P2RX4: variants seen among roughly 807,000 people sequenced by gnomAD.
P2RX4 encodes the protein P2X purinoceptor 4.
A neutral mutation model predicts 48.0 loss-of-function variants in P2RX4; 37 were observed. The observed-to-expected ratio is 0.77, with a 90% CI of 0.59 to 1.01. P2RX4 has a LOEUF of 1.01. Ranked by LOEUF, P2RX4 falls within the 50% of genes least tolerant of loss-of-function variation. The probability of loss-of-function intolerance (pLI) is 0.00; values close to 1 mark genes in which losing one functional copy is unlikely to be tolerated. For missense variants in P2RX4, 501 were observed against 521.4 expected (o/e 0.96, Z 0.38); for synonymous variants, 200 against 199.7 (o/e 1.00, Z -0.01).
At position 121,233,662 on chromosome 12, in the gene P2RX4, C is replaced by G; in HGVS notation, c.*113C>G. Reference sequence around the variant, plus strand: ...AAATTTCTGGAATCTGATTGAGTCTCCACTCCACAAGCACTCAGGGTTCCC... The same window carrying G: ...AAATTTCTGGAATCTGATTGAGTCTGCACTCCACAAGCACTCAGGGTTCCC... On this transcript the variant is annotated 3_prime_UTR_variant, in exon 12 of 12. Coordinates refer to ENST00000337233, the MANE Select transcript of P2RX4 (RefSeq NM_002560.3). The G allele has an allele frequency of 6.5e-7, 1 of 1,548,368 alleles. No individual in the cohort carries two copies. The highest frequency in any genetic ancestry group is 1.4e-5 in the African/African-American group (1 of 73,192).
intron 5 of P2RX4, among the ~76,000 whole-genome samples, chr12:121,225,205 T>C (rs946168834): frequency 7.9e-5 from 12 of 151,428 alleles, no homozygotes; most frequent in Middle Eastern, 3.5e-3. Context: ...CCTGAGTAGC[T>C]GGGATTATAG....
chr12:121,222,578 A>G (rs1886709084), intron 4 of P2RX4: 1 of 466,648 alleles, frequency 2.1e-6, no homozygotes, highest in African/African-American at 2.0e-5. Flanking sequence ...ACGCCCAGCT[A>G]ATTTTTGTAC....
intron 1 of P2RX4, among the ~76,000 whole-genome samples, chr12:121,211,541 C>G (rs1260006652): frequency 6.6e-6 from 1 of 152,092 alleles, no homozygotes; most frequent in African/African-American, 2.4e-5. Flanking sequence ...AATTACCTTG[C>G]CACCTGGGGC....
In P2RX4 at chr12:121,233,523, G is replaced by A. The variant is rs1174960267; in HGVS notation, c.1141G>A (p.Gly381Ser). ...GATCTGCTTGTGTCCTTCTTTGCAG[G>A]GTCTTGCTAGTGAGCTGGACCAGTG... The part of the protein sequence containing the change: ...KYKYVEDYEQ[G>S]LASELDQ The change falls in exon 12 of 12, where the codon GGT becomes AGT. Residue 381 changes from glycine to serine, a missense_variant and splice_region_variant. Coordinates refer to ENST00000337233, the MANE Select transcript of P2RX4 (RefSeq NM_002560.3). The A allele has an allele frequency of 1.2e-6, 2 of 1,608,066 alleles. No individual in the cohort carries two copies. The highest frequency in any genetic ancestry group is 3.4e-5 in the Admixed American group (2 of 59,222).
At position 121,223,063 on chromosome 12, in the gene P2RX4, A is replaced by T; in HGVS notation, c.524+20A>T. On this transcript the variant is annotated intron_variant, in intron 5 of 11. Transcript: ENST00000337233. ...GCCACAGTGAGTCCAGCCCTAGGGAAGGAAGTGCCTTTTTGTTTTGTTTTG... is the reference window on the plus strand; with the variant it reads ...GCCACAGTGAGTCCAGCCCTAGGGATGGAAGTGCCTTTTTGTTTTGTTTTG... The T allele has an allele frequency of 6.7e-7, 1 of 1,494,862 alleles. No individual in the cohort carries two copies. The highest frequency in any genetic ancestry group is 9.3e-7 in the Non-Finnish European group (1 of 1,072,072). 92.6% of individuals were successfully genotyped at this position (1,494,862 alleles called of 1,614,324 possible). A position where few individuals can be genotyped will look rare whatever the true frequency, so the allele number is the denominator to read the frequency against.
chr12:121,226,054 G>C (rs769453205), intron 5 of P2RX4, among the ~76,000 whole-genome samples: 1 of 151,306 alleles, frequency 6.6e-6, no homozygotes, highest in African/African-American at 2.4e-5. Context: ...CTTATTTTTT[G>C]TAGAGACAGG....
Position 121,229,005 on chromosome 12 carries a change from G to T in P2RX4, c.790G>T (p.Asp264Tyr). 6.2e-7 allele frequency: 1 copy of T among 1,614,054 alleles called. No homozygotes were observed. The highest frequency in any genetic ancestry group is 8.5e-7 in the Non-Finnish European group (1 of 1,180,008). Residue 264 changes from aspartate to tyrosine, a missense_variant, in exon 8 of 12, where the codon GAC becomes TAC. By Grantham distance (160) the Asp-to-Tyr change is radical (BLOSUM62 -3). Coordinates refer to ENST00000337233, the MANE Select transcript of P2RX4 (RefSeq NM_002560.3). This position sits in a 1 kb window ranked among gnomAD's most constrained non-coding sequence, Gnocchi z 4.6. The stretch of plus-strand genomic sequence containing the variant: ...CCAGGTCAACTGGGACTGCAACCTG[G>T]ACAGAGCCGCCTCCCTCTGCTTGCC... ...GIQVNWDCNL[D>Y]RAASLCLPRY...
intron 4 of P2RX4, 187 bp from the exon 5 acceptor site, chr12:121,222,760 G>C: frequency 6.6e-7 from 1 of 1,521,748 alleles, no homozygotes. Flanking sequence ...GATGTGGCTG[G>C]CACACAGGTA....
chr12:121,221,942 C>G lies in P2RX4; in HGVS notation c.312C>G (p.Asn104Lys), dbSNP rs747450281. The change falls in exon 3 of 12, where the codon AAC (asparagine) becomes AAG (lysine). Residue 104 changes from asparagine to lysine, a missense_variant. Around this residue, in one of 3 missense-constraint regions of P2RX4, gnomAD observed 295 missense variants for 275.3 expected, o/e 1.07. Coordinates refer to ENST00000337233, the MANE Select transcript of P2RX4 (RefSeq NM_002560.3). ...AAAACTCCCTCTTCGTCATGACCAA[C>G]GTGATCCTCACCATGAACCAGACAC... The part of the protein sequence containing the change: ...QEENSLFVMT[N>K]VILTMNQTQG... The G allele has an allele frequency of 6.2e-7, 1 of 1,614,100 alleles. No individual in the cohort carries two copies. The highest frequency in any genetic ancestry group is 8.5e-7 in the Non-Finnish European group (1 of 1,180,038).
At chr12:121,230,932 A>ATG (rs1422089841) in intron 8 of P2RX4, among the ~76,000 whole-genome samples, 44 of 142,210 alleles carry the variant, frequency 3.1e-4, no homozygotes, top group African/African-American at 9.8e-4. Context: ...ATATGTATAT[A>ATG]TGTGTATATA....
At chr12:121,212,233 G>T (rs372238542) in intron 1 of P2RX4, among the ~76,000 whole-genome samples, 1 of 152,138 alleles carries the variant, frequency 6.6e-6, no homozygotes, top group African/African-American at 2.4e-5. Flanking sequence ...GATACAGACA[G>T]TATTCAAGAG....
Position 121,228,871 on chromosome 12 carries a change from G to A in P2RX4, c.747+5G>A. ...TTCCAGGACATGGCCGTGGAGGTGG[G>A]TGCGGGCCCTGGCTCTCCTGACCCA... On this transcript the variant is annotated splice_donor_5th_base_variant and intron_variant, in intron 7 of 11. Transcript: ENST00000337233. 1 of 1,614,132 alleles carries A rather than the reference G, an allele frequency of 6.2e-7. No homozygotes were observed. The highest frequency in any genetic ancestry group is 1.3e-5 in the African/African-American group (1 of 75,018).
In P2RX4 at chr12:121,212,825, T is replaced by TA. The variant is rs1555234768; in HGVS notation, c.134+2527_134+2528insA. On this transcript the variant is annotated intron_variant, in intron 1 of 11. Transcript: ENST00000337233. Reference sequence around the variant, plus strand: ...ATATATATATATATATATATATATATTTTTTTTTTTTTTTTGGAGACTCAC... The same window carrying TA: ...ATATATATATATATATATATATATATATTTTTTTTTTTTTTTGGAGACTCAC... The TA allele has an allele frequency of 3.3e-3, 104 of 31,078 alleles. 1 individual carries two copies. Among genetic ancestry groups the TA allele is most frequent in the Admixed American group, 8.7e-3 (25 of 2,864 alleles). 1.9% of individuals were successfully genotyped at this position (31,078 alleles called of 1,614,324 possible).
intron 1 of P2RX4, chr12:121,216,299 C>T (rs999913512): frequency 2.6e-5 from 4 of 152,634 alleles, no homozygotes; most frequent in South Asian, 2.1e-4. Context: ...CTCTGCCACT[C>T]ACTAGCTGTG....
Position 121,222,963 on chromosome 12 carries a change from G to T in P2RX4, c.444G>T (p.Arg148Ser), listed in dbSNP as rs140643624. 2 of 1,613,002 alleles carry T rather than the reference G, an allele frequency of 1.2e-6. No individual in the cohort carries two copies. The highest frequency in any genetic ancestry group is 2.7e-5 in the African/African-American group (2 of 75,014). ...TGCTTGTAGGAGTCTCAACAGGCAGGTGCGTAGCTTTCAACGGGTCTGTCA... is the reference window on the plus strand; with the variant it reads ...TGCTTGTAGGAGTCTCAACAGGCAGTTGCGTAGCTTTCAACGGGTCTGTCA... ...GTHSNGVSTG[R>S]CVAFNGSVKT... The change falls in exon 5 of 12, where the codon AGG becomes AGT. Residue 148 changes from arginine to serine, a missense_variant. Physicochemically the swap from Arg to Ser is moderately radical, Grantham distance 110. Transcript: ENST00000337233.
intron 1 of P2RX4, among the ~76,000 whole-genome samples, chr12:121,211,572 G>T (rs1885853395): frequency 6.6e-6 from 1 of 152,192 alleles, no homozygotes; most frequent in South Asian, 2.1e-4. Flanking sequence ...GCTTACCTGG[G>T]GTGTTCTGGT....
At chr12:121,217,778 G>T (rs1056785310) in intron 2 of P2RX4, among the ~76,000 whole-genome samples, 1 of 126,136 alleles carries the variant, frequency 7.9e-6, no homozygotes, top group Non-Finnish European at 1.7e-5. Flanking sequence ...AAAAAAAAAA[G>T]AAAAAAAAAG....
chr12:121,221,748 G>T (rs941402397), intron 2 of P2RX4, among the ~76,000 whole-genome samples, 165 bp from the exon 3 acceptor site: 4 of 152,180 alleles, frequency 2.6e-5, no homozygotes, highest in Non-Finnish European at 4.4e-5. Context: ...TATGTACAAG[G>T]ACTTGTTTGA....
chr12:121,225,977 A>G (rs1886952705), intron 5 of P2RX4, among the ~76,000 whole-genome samples: 1 of 151,512 alleles, frequency 6.6e-6, no homozygotes, highest in Admixed American at 6.6e-5. Context: ...CCTGGACTCA[A>G]GTGATCTTCC....
Sources: gnomAD v4.1 joint callset for allele counts (sites outside exome capture counted in the v4.1 genomes callset) on GRCh38, gnomAD v4.1.1 for gene constraint, gnomAD v4.1.1 regional missense constraint, Gnocchi (gnomAD v3.1) non-coding constraint, MANE v1.5 for transcripts, NCBI Gene and HGNC (gene_info 2026-07-23, HGNC 2026-07-21) for gene names.